MAST4: variants seen among roughly 807,000 people sequenced by gnomAD.
MAST4 encodes microtubule-associated serine/threonine-protein kinase 4.
Under a neutral mutation model 162.7 loss-of-function variants are expected in MAST4, and 89 were observed. The observed-to-expected ratio is 0.55, with a 90% CI of 0.46 to 0.65. MAST4 has a LOEUF of 0.65. Among genes scored for constraint, MAST4 ranks in the 30% least tolerant of loss-of-function variants. The probability of loss-of-function intolerance (pLI) is 0.00; values close to 1 mark genes in which losing one functional copy is unlikely to be tolerated. For synonymous variants in MAST4, 1,479 were observed against 1,361.1 expected, an observed-to-expected ratio of 1.09 and a Z score of -1.91; for missense variants, 3,153 against 3,374.0, an observed-to-expected ratio of 0.93 and a Z score of 1.62.
chr5:66,641,938 G>A (rs934591685), intron 1 of MAST4, among the ~76,000 whole-genome samples: 7 of 152,044 alleles, frequency 4.6e-5, no homozygotes, highest in Non-Finnish European at 7.4e-5. Flanking sequence ...TTGCACCTCC[G>A]GATGATGAAT....
intron 3 of MAST4, among the ~76,000 whole-genome samples, chr5:66,883,178 T>C (rs1451324997): frequency 6.6e-6 from 1 of 152,194 alleles, no homozygotes; most frequent in Non-Finnish European, 1.5e-5. Context: ...GGAGGAGGAA[T>C]CTGCTATGGA....
chr5:67,062,812 T>A (rs553115419), intron 5 of MAST4, among the ~76,000 whole-genome samples: 7 of 151,754 alleles, frequency 4.6e-5, no homozygotes, highest in East Asian at 1.9e-4. Context: ...ATTTCCTTTT[T>A]AAAAAAAAAT....
rs115033767 is a variant in MAST4 at position 67,154,793 on chromosome 5, A to G, written c.3648+1213A>G. Among the ~76,000 whole-genome samples, 212 of 152,390 alleles carry G rather than the reference A, an allele frequency of 1.4e-3. 5 individuals are homozygous for G. The highest frequency in any genetic ancestry group is 1.6e-3 in the Admixed American group (25 of 15,308). ...GCACTCAAGAGGAGTAAGCAATGTCATGAAACCAAGAGGATACAAGGGATT... is the reference window on the plus strand; with the variant it reads ...GCACTCAAGAGGAGTAAGCAATGTCGTGAAACCAAGAGGATACAAGGGATT... On this transcript the variant is annotated intron_variant, in intron 26 of 28. Coordinates refer to ENST00000403625, the MANE Select transcript of MAST4 (RefSeq NM_001164664.2).
At chr5:67,135,583 T>C (rs1364649465) in intron 18 of MAST4, among the ~76,000 whole-genome samples, 1 of 152,252 alleles carries the variant, frequency 6.6e-6, no homozygotes, top group Non-Finnish European at 1.5e-5. Context: ...AAGCCTTGCA[T>C]ATTTGTAAAC....
intron 4 of MAST4, among the ~76,000 whole-genome samples, chr5:67,026,119 G>C (rs1160926343): frequency 6.6e-6 from 1 of 152,176 alleles, no homozygotes; most frequent in Non-Finnish European, 1.5e-5. Flanking sequence ...TTCTTTCCTA[G>C]AGTTTGTAAG....
intron 4 of MAST4, among the ~76,000 whole-genome samples, chr5:66,975,722 G>A (rs773891765): frequency 6.6e-6 from 1 of 152,140 alleles, no homozygotes; most frequent in Non-Finnish European, 1.5e-5. Context: ...GGCCGGGCAC[G>A]GTGGCTCATG....
chr5:66,696,919 A>G (rs1017049667), intron 1 of MAST4, among the ~76,000 whole-genome samples: 7 of 152,214 alleles, frequency 4.6e-5, no homozygotes, highest in African/African-American at 1.2e-4. Flanking sequence ...CAGTAAAAAA[A>G]ATTCTTAATT....
intron 3 of MAST4, among the ~76,000 whole-genome samples, chr5:66,844,139 CTGTGTGTGTGTGTGTGTGTGTGTG>C (rs59568297): frequency 3.4e-4 from 36 of 104,554 alleles, no homozygotes; most frequent in South Asian, 1.2e-3. Flanking sequence ...CCCAGTCAGC[CTGTGTGTGTGTGTGTGTGTGTGTG>C]TGTGTGTGTG....
At chr5:66,832,719 A>G (rs1757700099) in intron 3 of MAST4, among the ~76,000 whole-genome samples, 2 of 152,154 alleles carry the variant, frequency 1.3e-5, no homozygotes, top group Admixed American at 1.3e-4. Context: ...ATTACATGGG[A>G]GTATTACTCT....
chr5:67,065,337 T>C (rs146277017), intron 5 of MAST4, among the ~76,000 whole-genome samples: 2,875 of 152,352 alleles, frequency 0.019, 49 homozygotes, highest in Admixed American at 0.03. Flanking sequence ...TTGGCTTTTC[T>C]GCTCCTAGCT....
chr5:66,954,900 C>CAAAAAAAAAAAAAAAAAAAAAAAA (rs538274808), intron 4 of MAST4, among the ~76,000 whole-genome samples: 2 of 139,400 alleles, frequency 1.4e-5, no homozygotes, highest in African/African-American at 5.8e-5. Flanking sequence ...GACTCTGTCT[C>CAAAAAAAAAAAAAAAAAAAAAAAA]AAAAAAAAAA....
chr5:66,707,146 C>T (rs771775514), intron 1 of MAST4, among the ~76,000 whole-genome samples: 4 of 152,180 alleles, frequency 2.6e-5, no homozygotes, highest in Non-Finnish European at 5.9e-5. Context: ...GTAAGAGGCT[C>T]CTGACTTCCA....
Position 66,759,821 on chromosome 5 carries a change from G to A in MAST4, c.476G>A (p.Gly159Glu), listed in dbSNP as rs747149226. 6.2e-6 allele frequency: 10 copies of A among 1,613,796 alleles called. No homozygotes were observed. The highest frequency in any genetic ancestry group is 2.2e-5 in the South Asian group (2 of 91,076). ...TATAAAAGACAGCTGAGTGAGGATG[G>A]AAGACAGCTAAGGCGAGGGAGCCTG... ...LKYKRQLSEDGRQLRRGSLGG... is the reference protein window; with the variant it reads ...LKYKRQLSEDERQLRRGSLGG... The change falls in exon 2 of 29, where the codon GGA (glycine) becomes GAA (glutamate). Residue 159 changes from glycine to glutamate, a missense_variant. Transcript: ENST00000403625.
rs56337909 is a variant in MAST4 at position 67,164,767 on chromosome 5, G to C, written c.5588G>C (p.Ser1863Thr). ...AGTGCAAGAGAGCTTTCTCCTTCCAGCTTAAAGATGAATAAATCCTACCTG... is the reference window on the plus strand; with the variant it reads ...AGTGCAAGAGAGCTTTCTCCTTCCACCTTAAAGATGAATAAATCCTACCTG... ...TTSARELSPS[S>T]LKMNKSYLLE... Residue 1863 changes from serine to threonine, a missense_variant, in exon 29 of 29, where the codon AGC becomes ACC. Physicochemically the swap from Ser to Thr is moderately conservative, Grantham distance 58. Coordinates refer to ENST00000403625, the MANE Select transcript of MAST4 (RefSeq NM_001164664.2). The surrounding 1 kb of genome is among the most constrained non-coding windows in gnomAD (Gnocchi z 5.3). 1 of 1,613,806 alleles carries C rather than the reference G, an allele frequency of 6.2e-7. No individual in the cohort carries two copies. The highest frequency in any genetic ancestry group is 2.2e-5 in the East Asian group (1 of 44,888).
chr5:67,094,335 G>A (rs563261840), intron 6 of MAST4, among the ~76,000 whole-genome samples: 3 of 152,132 alleles, frequency 2.0e-5, no homozygotes, highest in East Asian at 1.9e-4. Flanking sequence ...AGTTTTTTAC[G>A]TTAACATCTA....
At chr5:66,952,256 T>C (rs959394847) in intron 4 of MAST4, among the ~76,000 whole-genome samples, 2 of 152,152 alleles carry the variant, frequency 1.3e-5, no homozygotes, top group Non-Finnish European at 2.9e-5. Flanking sequence ...TTTCTCATAA[T>C]GCCTCTGTAG....
chr5:66,748,355 A>G (rs962457642), intron 1 of MAST4, among the ~76,000 whole-genome samples: 1 of 140,496 alleles, frequency 7.1e-6, no homozygotes, highest in African/African-American at 2.7e-5. Flanking sequence ...GTTTATAAGA[A>G]CAGAGCAGCA....
rs372932780 is a variant in MAST4, at chr5:67,163,511, G to T, written c.4332G>T (p.Val1444=). Residue 1444 remains valine (V), a synonymous_variant, in exon 29 of 29, where the codon GTG becomes GTT. Coordinates refer to ENST00000403625, the MANE Select transcript of MAST4 (RefSeq NM_001164664.2). This position sits in a 1 kb window ranked among gnomAD's most constrained non-coding sequence, Gnocchi z 7.0. Reference sequence around the variant, plus strand: ...CCAGGTCCCCGCTGCTCAAGCGCGTGCAGTCCGAGGAGAAGCTGTCGCCCT... The same window carrying T: ...CCAGGTCCCCGCTGCTCAAGCGCGTTCAGTCCGAGGAGAAGCTGTCGCCCT... ...EPPRSPLLKR[V]QSEEKLSPSY... 6.2e-7 allele frequency: 1 copy of T among 1,611,018 alleles called. No individual in the cohort carries two copies. Among genetic ancestry groups the T allele is most frequent in the African/African-American group, 1.3e-5 (1 of 74,936 alleles).
chr5:66,838,448 C>T (rs1027822469), intron 3 of MAST4, among the ~76,000 whole-genome samples: 2 of 152,164 alleles, frequency 1.3e-5, no homozygotes, highest in Non-Finnish European at 2.9e-5. Context: ...GAACTGTGTG[C>T]TGTGTCTTAA....
Sources: gnomAD v4.1 joint callset for allele counts (sites outside exome capture counted in the v4.1 genomes callset) on GRCh38, gnomAD v4.1.1 for gene constraint, Gnocchi (gnomAD v3.1) non-coding constraint, MANE v1.5 for transcripts, NCBI Gene and HGNC (gene_info 2026-07-23, HGNC 2026-07-21) for gene names.